CFAP299: variants seen among roughly 807,000 people sequenced by gnomAD.
CFAP299 encodes the protein cilia and flagella associated protein 299, also known as cilia- and flagella-associated protein 299.
CFAP299 carries 21 observed loss-of-function variants against 27.0 expected under a neutral mutation model. The ratio of observed to expected loss-of-function variants is 0.78; its 90% confidence interval spans 0.55 to 1.12. The LOEUF (loss-of-function observed/expected upper bound fraction) is 1.12, where lower values mean the gene tolerates loss of function less well. Among genes scored for constraint, CFAP299 ranks in the 50% most tolerant of loss-of-function variants. CFAP299 has a pLI of 0.00. For missense variants in CFAP299, 310 were observed against 276.6 expected, an observed-to-expected ratio of 1.12 and a Z score of -0.86; for synonymous variants, 104 against 98.1, an observed-to-expected ratio of 1.06 and a Z score of -0.36.
intron 3 of CFAP299, among the ~76,000 whole-genome samples, chr4:80,603,736 T>C (rs566706414): frequency 2.0e-5 from 3 of 152,342 alleles, no homozygotes; most frequent in South Asian, 4.1e-4. Context: ...GCATTATTCA[T>C]CTATATGATA....
At chr4:80,377,446 T>A (rs2867735) in intron 2 of CFAP299, among the ~76,000 whole-genome samples, 21,613 of 152,190 alleles carry the variant, frequency 0.14, 1,855 homozygotes, top group East Asian at 0.25. Context: ...TGTCTATTTT[T>A]TGTGGATTTC....
chr4:80,903,789 T>C (rs1354544146), intron 4 of CFAP299, among the ~76,000 whole-genome samples: 2 of 152,106 alleles, frequency 1.3e-5, no homozygotes, highest in Admixed American at 6.6e-5. Context: ...TTAATTAATA[T>C]TGATTAGCTG....
chr4:80,723,705 AAT>A (rs1173355519), intron 3 of CFAP299, among the ~76,000 whole-genome samples: 4 of 152,088 alleles, frequency 2.6e-5, no homozygotes, highest in Non-Finnish European at 5.9e-5. Context: ...ACACAATTTA[AAT>A]ATGTGTGTAT....
rs559258609 is a variant in CFAP299 at position 80,623,066 on chromosome 4, C to T, written c.333+39883C>T. Among the ~76,000 whole-genome samples the T allele has an allele frequency of 9.2e-5, 14 of 152,046 alleles. No homozygotes were observed. In the South Asian group the frequency reaches 1.7e-3, roughly 18 times the overall value. ...GTTGCCCACTGGGTTAGTGACTGACCGATCTCATCAGGAAGGGAATATTTT... is the reference window on the plus strand; with the variant it reads ...GTTGCCCACTGGGTTAGTGACTGACTGATCTCATCAGGAAGGGAATATTTT... On this transcript the variant is annotated intron_variant, in intron 3 of 5. Transcript: ENST00000358105.
intron 2 of CFAP299, among the ~76,000 whole-genome samples, chr4:80,419,577 C>A (rs1002859665): frequency 6.6e-6 from 1 of 152,142 alleles, no homozygotes; most frequent in Admixed American, 6.5e-5. Flanking sequence ...CCTACCTTTC[C>A]CTAGTGCCGG....
the CFAP299 span, among the ~76,000 whole-genome samples, chr4:80,325,205 T>C: frequency 3.0e-4 from 45 of 152,346 alleles, no homozygotes; most frequent in Admixed American, 6.5e-4. Flanking sequence ...TTTAATATGG[T>C]CACACAGTAC....
At chr4:80,749,281 G>A (rs773219626) in intron 3 of CFAP299, among the ~76,000 whole-genome samples, 15 of 152,094 alleles carry the variant, frequency 9.9e-5, no homozygotes, top group Non-Finnish European at 2.1e-4. Context: ...CCACCTAATA[G>A]CTGTTCCAGC....
Position 80,362,851 on chromosome 4 carries a change from A to G in CFAP299, c.209A>G (p.Glu70Gly). 1.2e-6 allele frequency: 2 copies of G among 1,612,344 alleles called. No individual in the cohort carries two copies. The highest frequency in any genetic ancestry group is 1.7e-6 in the Non-Finnish European group (2 of 1,179,564). The change falls in exon 2 of 6, where the codon GAG (glutamate) becomes GGG (glycine). Residue 70 changes from glutamate to glycine, a missense_variant. By Grantham distance (98) the Glu-to-Gly change is moderately conservative (BLOSUM62 -2). Coordinates refer to ENST00000358105, the MANE Select transcript of CFAP299 (RefSeq NM_152770.3). ...EDFEARKAAIEIARLAERAQQ... is the reference protein window; with the variant it reads ...EDFEARKAAIGIARLAERAQQ... ...TTTGAAGCAAGGAAAGCGGCTATAG[A>G]GATTGCAAGACTGGCTGAAAGAGCT...
chr4:80,917,713 A>G (rs1368226773), intron 4 of CFAP299, among the ~76,000 whole-genome samples: 1 of 152,178 alleles, frequency 6.6e-6, no homozygotes, highest in Admixed American at 6.6e-5. Context: ...ATTTTGAGGA[A>G]AGATTTCATA....
chr4:80,642,097 C>T (rs995356237), intron 3 of CFAP299, among the ~76,000 whole-genome samples: 1 of 152,182 alleles, frequency 6.6e-6, no homozygotes, highest in Non-Finnish European at 1.5e-5. Context: ...TGTATTTCAT[C>T]TGTTGCTTTT....
At chr4:80,714,726 G>A (rs1301651234) in intron 3 of CFAP299, among the ~76,000 whole-genome samples, 3 of 151,470 alleles carry the variant, frequency 2.0e-5, no homozygotes, top group Non-Finnish European at 4.4e-5. Context: ...CTTTCCCTTT[G>A]GAAACTACAA....
At chr4:80,548,675 T>TA (rs1489553749) in intron 2 of CFAP299, among the ~76,000 whole-genome samples, 1 of 152,180 alleles carries the variant, frequency 6.6e-6, no homozygotes, top group African/African-American at 2.4e-5. Flanking sequence ...TCCATCCTCC[T>TA]ATCTCCCTGT....
intron 2 of CFAP299, among the ~76,000 whole-genome samples, chr4:80,490,179 C>CTGTA (rs1448171706): frequency 6.6e-6 from 1 of 152,078 alleles, no homozygotes; most frequent in African/African-American, 2.4e-5. Context: ...CTCTAGTAAG[C>CTGTA]AAAACTTTCT....
chr4:80,524,537 C>T (rs1170991001), intron 2 of CFAP299, among the ~76,000 whole-genome samples: 1 of 151,946 alleles, frequency 6.6e-6, no homozygotes, highest in Admixed American at 6.6e-5. Flanking sequence ...CTAATCTAGC[C>T]TATGGCTTCT....
At chr4:80,545,049 A>G (rs2110202789) in intron 2 of CFAP299, among the ~76,000 whole-genome samples, 1 of 152,302 alleles carries the variant, frequency 6.6e-6, no homozygotes, top group African/African-American at 2.4e-5. Flanking sequence ...AGAAATCAAT[A>G]CCAAGAAGAT....
At chr4:80,654,888 T>G (rs1195604828) in intron 3 of CFAP299, among the ~76,000 whole-genome samples, 2 of 151,328 alleles carry the variant, frequency 1.3e-5, no homozygotes, top group Non-Finnish European at 2.9e-5. Context: ...AGTGCTGGAA[T>G]TATAGGTAGT....
chr4:80,653,129 C>T (rs1166856909), intron 3 of CFAP299, among the ~76,000 whole-genome samples: 1 of 152,138 alleles, frequency 6.6e-6, no homozygotes, highest in African/African-American at 2.4e-5. Flanking sequence ...CTGTATTCAG[C>T]TATATGCACA....
intron 4 of CFAP299, among the ~76,000 whole-genome samples, chr4:80,878,829 T>G (rs1022955915): frequency 2.0e-5 from 3 of 152,150 alleles, no homozygotes; most frequent in Non-Finnish European, 4.4e-5. Context: ...GCACCAAAAT[T>G]AAATTGTTTA....
chr4:80,835,111 TTTTG>T (rs1178006375), intron 3 of CFAP299, among the ~76,000 whole-genome samples: 40 of 152,120 alleles, frequency 2.6e-4, no homozygotes, highest in Non-Finnish European at 2.5e-4. Flanking sequence ...TGCTTGAATT[TTTTG>T]TTTGTTTGTT....
Sources: gnomAD v4.1 joint callset for allele counts (sites outside exome capture counted in the v4.1 genomes callset) on GRCh38, gnomAD v4.1.1 for gene constraint, MANE v1.5 for transcripts, NCBI Gene and HGNC (gene_info 2026-07-23, HGNC 2026-07-21) for gene names.